ZNF157: variants seen among roughly 807,000 people sequenced by gnomAD.
The protein encoded by ZNF157 is zinc finger protein 157, also known as zinc finger protein 22.
ZNF157 carries 8 observed loss-of-function variants against 9.4 expected under a neutral mutation model. The observed-to-expected ratio is 0.85, with a 90% CI of 0.50 to 1.53. ZNF157 has a LOEUF of 1.53. Among genes scored for constraint, ZNF157 ranks in the 40% most tolerant of loss-of-function variants. The probability of loss-of-function intolerance (pLI) is 0.00; values close to 1 mark genes in which losing one functional copy is unlikely to be tolerated. For synonymous variants in ZNF157, 120 were observed against 130.8 expected (o/e 0.92, Z 0.56); for missense variants, 316 against 385.2 (o/e 0.82, Z 1.50).
intron 1 of ZNF157, chrX:47,390,858 G>T (rs1200770043): frequency 2.7e-5 from 3 of 112,264 alleles, no homozygotes; most frequent in African/African-American, 9.7e-5. Context: ...GTGATTCCAT[G>T]CAGTTGTCTG....
In ZNF157 at chrX:47,391,892, A is replaced by AT. The variant is rs57626522; in HGVS notation, c.73-18369dup. On this transcript the variant is annotated intron_variant, in intron 1 of 3. Transcript: ENST00000377073. ...GACTGTGGATACTGAACCTGTATTGATTTTTTTTTTTTTTTGAGAGGGAGT... is the reference window on the plus strand; with the variant it reads ...GACTGTGGATACTGAACCTGTATTGATTTTTTTTTTTTTTTTGAGAGGGAGT... Among the ~76,000 whole-genome samples the AT allele has an allele frequency of 5.0e-3, 457 of 92,141 alleles. 1 individual carries two copies. The highest frequency in any genetic ancestry group is 6.9e-3 in the Middle Eastern group (1 of 145). 80.0% of individuals were successfully genotyped at this position (92,141 alleles called of 115,157 possible).
intron 1 of ZNF157, among the ~76,000 whole-genome samples, chrX:47,371,630 CAG>C (rs1187142251): frequency 9.0e-6 from 1 of 111,480 alleles, no homozygotes; most frequent in African/African-American, 3.3e-5. Context: ...TTTTTTGAGA[CAG>C]AGTCTTGCCC....
chrX:47,398,492 T>A (rs1236269287), intron 1 of ZNF157, among the ~76,000 whole-genome samples: 2 of 108,401 alleles, frequency 1.8e-5, no homozygotes, highest in East Asian at 5.6e-4. Context: ...TTTCTTTTTT[T>A]ATTTCTTTTT....
At chrX:47,380,844 GGAGGAA>G (rs1242611438) in intron 1 of ZNF157, among the ~76,000 whole-genome samples, 3 of 106,469 alleles carry the variant, frequency 2.8e-5, no homozygotes, top group Admixed American at 1.0e-4. Flanking sequence ...AGGAGAAAGA[GGAGGAA>G]GAGGAGCAGG....
Position 47,410,520 on chromosome X carries a change from T to C in ZNF157, c.199+118T>C, listed in dbSNP as rs753623588. ...AAGAGTCACAGATGAGTAATCAGTT[T>C]AGGGCACCAGAAAAAATGTGTGCGT... On this transcript the variant is annotated intron_variant, in intron 2 of 3. Coordinates refer to ENST00000377073, the MANE Select transcript of ZNF157 (RefSeq NM_003446.4). 5.9e-5 allele frequency: 60 copies of C among 1,019,670 alleles called. 1 individual carries two copies. The South Asian group carries it at 7.4e-4, about 13-fold the overall frequency. 84.0% of individuals were successfully genotyped at this position (1,019,670 alleles called of 1,213,427 possible).
chrX:47,409,940 C>T (rs1444091339), intron 1 of ZNF157, among the ~76,000 whole-genome samples: 12 of 111,953 alleles, frequency 1.1e-4, no homozygotes, highest in South Asian at 7.4e-4. Context: ...TGAGCCACCG[C>T]GCCCAGCCTC....
At chrX:47,371,252 C>T (rs756903900) in intron 1 of ZNF157, among the ~76,000 whole-genome samples, 30 of 109,497 alleles carry the variant, frequency 2.7e-4, no homozygotes, top group South Asian at 8.0e-4. Context: ...ACCGGAAAAT[C>T]GCTTGAACCT....
rs768406069 is a variant in ZNF157, at chrX:47,413,321, T to C, written c.1248T>C (p.Cys416=). ...ATTCAGGAGAGAAACCCTACGAATG[T>C]AGTGAATGTGGGAAAATCTTCAGTA... ...RMHSGEKPYE[C]SECGKIFSMK... Residue 416 remains cysteine, a synonymous_variant, in exon 4 of 4, where the codon TGT becomes TGC. Coordinates refer to ENST00000377073, the MANE Select transcript of ZNF157 (RefSeq NM_003446.4). The C allele has an allele frequency of 2.5e-6, 3 of 1,210,010 alleles. No individual in the cohort carries two copies. The highest frequency in any genetic ancestry group is 3.5e-5 in the African/African-American group (2 of 57,273).
Position 47,413,113 on chromosome X carries a change from A to C in ZNF157, c.1040A>C (p.Asn347Thr). 1 of 1,210,300 alleles carries C rather than the reference A, an allele frequency of 8.3e-7. No homozygotes were observed. The highest frequency in any genetic ancestry group is 1.1e-6 in the Non-Finnish European group (1 of 894,749). Reference sequence around the variant, plus strand: ...TTCCGAATGAAGATGACTCTCAATAATCATCAAAGAACTCACACAGGTGAA... The same window carrying C: ...TTCCGAATGAAGATGACTCTCAATACTCATCAAAGAACTCACACAGGTGAA... ...KFFRMKMTLN[N>T]HQRTHTGEKP... Residue 347 changes from asparagine (N) to threonine (T), a missense_variant, in exon 4 of 4, where the codon AAT becomes ACT. By Grantham distance (65) the Asn-to-Thr change is moderately conservative. This residue lies in a region of ZNF157 where 167 missense variants were observed against 183.6 expected (regional missense o/e 0.91). Coordinates refer to ENST00000377073, the MANE Select transcript of ZNF157 (RefSeq NM_003446.4).
intron 1 of ZNF157, among the ~76,000 whole-genome samples, chrX:47,404,803 T>A (rs187665300): frequency 1.8e-3 from 204 of 111,324 alleles, no homozygotes; most frequent in African/African-American, 6.2e-3. Flanking sequence ...TTTATTTTTT[T>A]AAATTTTTTT....
At chrX:47,380,374 C>T (rs1446760149) in intron 1 of ZNF157, among the ~76,000 whole-genome samples, 3 of 111,065 alleles carry the variant, frequency 2.7e-5, no homozygotes, top group Non-Finnish European at 5.6e-5. Context: ...TTGACTTTGA[C>T]TTGGGGTTTT....
At chrX:47,410,180 A>G in intron 1 of ZNF157, 96 bp from the exon 2 acceptor site, 2 of 1,128,744 alleles carry the variant, frequency 1.8e-6, no homozygotes, top group African/African-American at 1.8e-5. Flanking sequence ...GTGTAGCTCT[A>G]TTTAGTCAAC....
At chrX:47,406,023 A>G (rs1281527769) in intron 1 of ZNF157, among the ~76,000 whole-genome samples, 1 of 108,024 alleles carries the variant, frequency 9.3e-6, no homozygotes, top group Admixed American at 1.0e-4. Context: ...CAGTCCCCAA[A>G]GTCCATTGTA....
chrX:47,372,929 G>A (rs1380046517), intron 1 of ZNF157, among the ~76,000 whole-genome samples: 4 of 110,450 alleles, frequency 3.6e-5, no homozygotes, highest in African/African-American at 1.3e-4. Context: ...GTGGGGCACG[G>A]TGGCTCATGC....
chrX:47,400,459 G>A lies in ZNF157; in HGVS notation c.73-9817G>A, dbSNP rs777310854. Among the ~76,000 whole-genome samples the A allele has an allele frequency of 9.0e-5, 10 of 111,563 alleles. No individual in the cohort carries two copies. In the South Asian group the frequency reaches 3.3e-3, roughly 37 times the overall value. ...ATAGGCATGAGCTACTGGACCCAGC[G>A]TTTGACAGATGTTTTAATTGTCCAT... On this transcript the variant is annotated intron_variant, in intron 1 of 3. Transcript: ENST00000377073.
At chrX:47,397,426 T>G (rs2055917097) in intron 1 of ZNF157, among the ~76,000 whole-genome samples, 1 of 106,495 alleles carries the variant, frequency 9.4e-6, no homozygotes, top group Non-Finnish European at 1.9e-5. Flanking sequence ...TATTTTTTTA[T>G]TTTTTTTGAG....
chrX:47,382,554 A>G (rs2055867043), intron 1 of ZNF157, among the ~76,000 whole-genome samples: 1 of 106,167 alleles, frequency 9.4e-6, no homozygotes, highest in African/African-American at 3.4e-5. Flanking sequence ...GAGGCCCACA[A>G]GGTCTTTTCT....
At chrX:47,407,494 A>G (rs2055950585) in intron 1 of ZNF157, among the ~76,000 whole-genome samples, 1 of 111,806 alleles carries the variant, frequency 8.9e-6, no homozygotes, top group African/African-American at 3.2e-5. Context: ...TTAAACCACA[A>G]GTTCAGTTTA....
intron 1 of ZNF157, among the ~76,000 whole-genome samples, chrX:47,374,877 T>G (rs770636934): frequency 1.0e-5 from 1 of 98,954 alleles, no homozygotes; most frequent in South Asian, 4.6e-4. Context: ...CCTGGCTAAT[T>G]TTTTTGTATT....
Sources: gnomAD v4.1 joint callset for allele counts (sites outside exome capture counted in the v4.1 genomes callset) on GRCh38, gnomAD v4.1.1 for gene constraint, gnomAD v4.1.1 regional missense constraint, MANE v1.5 for transcripts, NCBI Gene and HGNC (gene_info 2026-07-23, HGNC 2026-07-21) for gene names.